The following GPATCH2 variants were observed in gnomAD, a reference collection of about 807,000 sequenced individuals.
The protein encoded by GPATCH2 is G patch domain-containing protein 2.
A neutral mutation model predicts 58.0 loss-of-function variants in GPATCH2; 51 were observed. The ratio of observed to expected loss-of-function variants is 0.88; its 90% confidence interval spans 0.70 to 1.11. GPATCH2 has a LOEUF of 1.11. GPATCH2 is among the 50% of genes most tolerant of loss of function. The probability of loss-of-function intolerance (pLI) is 0.00; values close to 1 mark genes in which losing one functional copy is unlikely to be tolerated. For synonymous variants in GPATCH2, 222 were observed against 218.5 expected (o/e 1.02, Z -0.14); for missense variants, 625 against 652.2 (o/e 0.96, Z 0.45).
chr1:217,498,297 GAC>G, intron 7 of GPATCH2, 57 bp downstream of exon 7: 1 of 1,241,666 alleles, frequency 8.1e-7, no homozygotes, highest in South Asian at 1.2e-5. Context: ...CCTGAAGGGA[GAC>G]AGTTAAATAC....
At chr1:217,482,982 G>T (rs1441987017) in intron 8 of GPATCH2, among the ~76,000 whole-genome samples, 2 of 152,058 alleles carry the variant, frequency 1.3e-5, no homozygotes, top group Non-Finnish European at 2.9e-5. Flanking sequence ...ATGTTTCCTA[G>T]AATTTTACAT....
intron 5 of GPATCH2, among the ~76,000 whole-genome samples, chr1:217,517,644 C>A (rs1571846019): frequency 6.6e-6 from 1 of 152,110 alleles, no homozygotes; most frequent in East Asian, 1.9e-4. Context: ...AGAAAATAAT[C>A]TTTACAAAAA....
At chr1:217,527,428 T>C (rs1250454727) in intron 5 of GPATCH2, among the ~76,000 whole-genome samples, 1 of 152,236 alleles carries the variant, frequency 6.6e-6, no homozygotes, top group Admixed American at 6.5e-5. Flanking sequence ...GCATGTGCCT[T>C]GTGCCCTTCT....
At chr1:217,513,684 T>TA (rs1484319138) in intron 6 of GPATCH2, among the ~76,000 whole-genome samples, 1 of 152,198 alleles carries the variant, frequency 6.6e-6, no homozygotes, top group African/African-American at 2.4e-5. Flanking sequence ...TACAACTACT[T>TA]AGTTTTAAAA....
chr1:217,542,101 T>C (rs1664774187), intron 5 of GPATCH2, among the ~76,000 whole-genome samples: 1 of 152,154 alleles, frequency 6.6e-6, no homozygotes, highest in East Asian at 1.9e-4. Context: ...GTCAAAAGGG[T>C]CGAGATTATA....
At chr1:217,578,670 C>T (rs1666921295) in intron 5 of GPATCH2, among the ~76,000 whole-genome samples, 1 of 152,140 alleles carries the variant, frequency 6.6e-6, no homozygotes, top group Admixed American at 6.6e-5. Context: ...TGAATAACAC[C>T]CTCATGTCCC....
chr1:217,572,000 A>AGAAGGAAG (rs71166011), intron 5 of GPATCH2, among the ~76,000 whole-genome samples: 131 of 135,262 alleles, frequency 9.7e-4, no homozygotes, highest in African/African-American at 2.8e-3. Context: ...AAGGAAGGAA[A>AGAAGGAAG]GAAGGAAGGA....
At chr1:217,532,886 GT>G (rs57815648) in intron 5 of GPATCH2, among the ~76,000 whole-genome samples, 99,211 of 130,064 alleles carry the variant, frequency 0.76, 37,199 homozygotes, top group East Asian at 0.82. Flanking sequence ...TCTTTTTTTT[GT>G]TTTTTTTTTT....
At chr1:217,457,518 A>G (rs1432088523) in intron 8 of GPATCH2, among the ~76,000 whole-genome samples, 1 of 152,196 alleles carries the variant, frequency 6.6e-6, no homozygotes, top group East Asian at 1.9e-4. Context: ...GCCCAGGCAC[A>G]AAAAAGTTAA....
At chr1:217,436,553 A>G (rs1470165729) in intron 9 of GPATCH2, among the ~76,000 whole-genome samples, 1 of 152,224 alleles carries the variant, frequency 6.6e-6, no homozygotes, top group Non-Finnish European at 1.5e-5. Context: ...AAATTCATTG[A>G]GTAATATATG....
intron 5 of GPATCH2, among the ~76,000 whole-genome samples, chr1:217,578,399 T>C (rs924926124): frequency 6.6e-6 from 1 of 152,056 alleles, no homozygotes; most frequent in Non-Finnish European, 1.5e-5. Context: ...TACAGGCACA[T>C]GCCACCAGGC....
At chr1:217,491,296 T>C (rs1661721726) in intron 8 of GPATCH2, among the ~76,000 whole-genome samples, 1 of 152,170 alleles carries the variant, frequency 6.6e-6, no homozygotes, top group Admixed American at 6.5e-5. Flanking sequence ...TTCTTCCCAG[T>C]CTTTACTCAT....
chr1:217,597,896 C>A (rs1236724054), intron 5 of GPATCH2, among the ~76,000 whole-genome samples: 1 of 152,178 alleles, frequency 6.6e-6, no homozygotes, highest in African/African-American at 2.4e-5. Context: ...GTCTAGCAAG[C>A]CCTGCATCTG....
Position 217,523,400 on chromosome 1 carries a change from G to A in GPATCH2, c.1099-8511C>T, listed in dbSNP as rs555681025. Among the ~76,000 whole-genome samples, 773 of 151,706 alleles carry A rather than the reference G, an allele frequency of 5.1e-3. 4 individuals are homozygous for A. The highest frequency in any genetic ancestry group is 8.1e-3 in the Non-Finnish European group (554 of 68,014). On this transcript the variant is annotated intron_variant, in intron 5 of 9. Transcript: ENST00000366935. ...CTTAACGAGCATGCTGCCTTCAAGC[G>A]TCTGTTTAACAAGGCACAACTTGCA...
chr1:217,506,047 C>A (rs565850801), intron 6 of GPATCH2, among the ~76,000 whole-genome samples: 1 of 152,308 alleles, frequency 6.6e-6, no homozygotes, highest in African/African-American at 2.4e-5. Flanking sequence ...TCTCGAACTC[C>A]TGACCTCAAG....
intron 5 of GPATCH2, among the ~76,000 whole-genome samples, chr1:217,551,189 A>T (rs1665342191): frequency 1.3e-5 from 2 of 151,906 alleles, no homozygotes; most frequent in Non-Finnish European, 2.9e-5. Context: ...AGAAACAGAA[A>T]AAGATGTATG....
intron 5 of GPATCH2, among the ~76,000 whole-genome samples, chr1:217,583,072 A>G (rs1370585420): frequency 6.6e-6 from 1 of 152,226 alleles, no homozygotes; most frequent in East Asian, 1.9e-4. Flanking sequence ...TAATTACTGC[A>G]TGTATTAGAT....
intron 5 of GPATCH2, among the ~76,000 whole-genome samples, chr1:217,533,193 A>C (rs1369013914): frequency 6.6e-6 from 1 of 151,726 alleles, no homozygotes; most frequent in East Asian, 1.9e-4. Flanking sequence ...ACAGGCATAA[A>C]CCACCACACC....
intron 5 of GPATCH2, among the ~76,000 whole-genome samples, chr1:217,564,911 T>C (rs1666138371): frequency 6.6e-6 from 1 of 152,220 alleles, no homozygotes; most frequent in Admixed American, 6.5e-5. Flanking sequence ...ATCTCATTTA[T>C]TTCCTTTACA....
Sources: gnomAD v4.1 joint callset for allele counts (sites outside exome capture counted in the v4.1 genomes callset) on GRCh38, gnomAD v4.1.1 for gene constraint, MANE v1.5 for transcripts, NCBI Gene and HGNC (gene_info 2026-07-23, HGNC 2026-07-21) for gene names.